GID8: variants seen among roughly 807,000 people sequenced by gnomAD.
GID8 encodes the protein GID complex subunit 8 homolog, also known as glucose-induced degradation protein 8 homolog.
A neutral mutation model predicts 27.4 loss-of-function variants in GID8; 6 were observed. That is an observed-to-expected ratio of 0.22 (90% CI 0.12 to 0.43). GID8 has a LOEUF of 0.43. GID8 is among the 20% of genes least tolerant of loss of function. GID8 has a pLI of 1.00. For missense variants in GID8, 173 were observed against 287.6 expected (o/e 0.60, Z 2.88); for synonymous variants, 112 against 109.0 (o/e 1.03, Z -0.17).
chr20:62,945,955 A>G lies in GID8; in HGVS notation c.*1043A>G, dbSNP rs1393553815. ...GCCGATGTCCTGCTTCTGTTCACTC[A>G]CAGAACTGTCCCCTGCTCCGTGGTG... On this transcript the variant is annotated 3_prime_UTR_variant, in exon 5 of 5. Coordinates refer to ENST00000266069, the MANE Select transcript of GID8 (RefSeq NM_017896.3). The G allele has an allele frequency of 7.8e-7, 1 of 1,289,416 alleles. No individual in the cohort carries two copies. Among genetic ancestry groups the G allele is most frequent in the Non-Finnish European group, 1.0e-6 (1 of 988,850 alleles). 79.9% of individuals were successfully genotyped at this position (1,289,416 alleles called of 1,614,324 possible). A position where few individuals can be genotyped will look rare whatever the true frequency, so the allele number is the denominator to read the frequency against.
At chr20:62,944,119 G>C (rs1011443428) in intron 4 of GID8, among the ~76,000 whole-genome samples, 9 of 152,188 alleles carry the variant, frequency 5.9e-5, no homozygotes, top group Admixed American at 2.6e-4. Context: ...GAGCCATCAT[G>C]CTCAGCCTCT....
chr20:62,941,697 T>C, intron 2 of GID8, 77 bp downstream of exon 2: 1 of 809,882 alleles, frequency 1.2e-6, no homozygotes, highest in Non-Finnish European at 2.2e-6. Flanking sequence ...GCTGTAGCAC[T>C]GAGGTTTGAT....
At position 62,943,603 on chromosome 20, in the gene GID8, G is replaced by C. The variant is rs1463524798; in HGVS notation, c.424G>C (p.Glu142Gln). 1 of 1,613,842 alleles carries C rather than the reference G, an allele frequency of 6.2e-7. No homozygotes were observed. The highest frequency in any genetic ancestry group is 1.7e-5 in the Admixed American group (1 of 60,034). The change falls in exon 4 of 5, where the codon GAG (glutamate) becomes CAG (glutamine). Residue 142 changes from glutamate (E) to glutamine (Q), a missense_variant. Coordinates refer to ENST00000266069, the MANE Select transcript of GID8 (RefSeq NM_017896.3). The surrounding 1 kb of genome is among the most constrained non-coding windows in gnomAD (Gnocchi z 4.7). ...CGAGGAGAGCCGAGAGTGCCTCACA[G>C]AGATGGAGCGTACCCTGGCACTGCT... ...QGEESRECLT[E>Q]MERTLALLAF...
chr20:62,941,463 T>G, intron 1 of GID8, 28 bp from the exon 2 acceptor site: 1 of 1,277,546 alleles, frequency 7.8e-7, no homozygotes, highest in Non-Finnish European at 1.1e-6. Context: ...TCTAAACCCC[T>G]CCCTCAGCTG....
In GID8 at chr20:62,944,938, A is replaced by G. The variant is rs369511130; in HGVS notation, c.*26A>G. 62 of 1,596,236 alleles carry G rather than the reference A, an allele frequency of 3.9e-5. No homozygotes were observed. The Middle Eastern group carries it at 5.0e-4, about 13-fold the overall frequency. On this transcript the variant is annotated 3_prime_UTR_variant, in exon 5 of 5. Coordinates refer to ENST00000266069, the MANE Select transcript of GID8 (RefSeq NM_017896.3). ...CGCCTGCGCTTGCGTGGTGGATCCA[A>G]CACCAGCCCTGCGTCGTGGGACTTG...
Position 62,944,745 on chromosome 20 carries a change from A to T in GID8, c.520A>T (p.Ser174Cys). ...AGATGTATTTATATTCTAGGTGTGG[A>T]GTGAAGTTAACCAAGCTGTGCTAGA... ...LHTMQRQKVWSEVNQAVLDYE... is the reference protein window; with the variant it reads ...LHTMQRQKVWCEVNQAVLDYE... Residue 174 changes from serine to cysteine, a missense_variant, in exon 5 of 5, where the codon AGT becomes TGT. Transcript: ENST00000266069. 1 of 1,609,906 alleles carries T rather than the reference A, an allele frequency of 6.2e-7. No homozygotes were observed. The highest frequency in any genetic ancestry group is 1.7e-4 in the Middle Eastern group (1 of 6,054).
rs3180449 is a variant in GID8, at chr20:62,948,473, G to A, written c.*3561G>A. ...AGTAAAAGTTTTCACATTTTTCTCA[G>A]AACTGTTATCTGGAAGCTCTCTTTT... On this transcript the variant is annotated 3_prime_UTR_variant, in exon 5 of 5. Transcript: ENST00000266069. 1 of 152,232 alleles carries A rather than the reference G, an allele frequency of 6.6e-6. No individual in the cohort carries two copies. The highest frequency in any genetic ancestry group is 1.9e-4 in the East Asian group (1 of 5,190). 9.4% of individuals were successfully genotyped at this position (152,232 alleles called of 1,614,324 possible). A position where few individuals can be genotyped will look rare whatever the true frequency, so the allele number is the denominator to read the frequency against.
intron 1 of GID8, among the ~76,000 whole-genome samples, chr20:62,940,976 G>A (rs890387537): frequency 6.6e-6 from 1 of 150,722 alleles, no homozygotes; most frequent in African/African-American, 2.4e-5. Context: ...GGTAAATTGT[G>A]CCAAATAATC....
rs2065466566 is a variant in GID8, at chr20:62,946,384, T to C, written c.*1472T>C. 1 of 203,752 alleles carries C rather than the reference T, an allele frequency of 4.9e-6. No homozygotes were observed. The highest frequency in any genetic ancestry group is 5.9e-5 in the Admixed American group (1 of 16,966). The allele number at this position is 203,752 out of a possible 1,614,324, so 12.6% of individuals were successfully genotyped here. ...CCGAGCTCCTGCATCCCTTGAGTGT[T>C]GATCAGGAGGCGTCCACAGCATTGT... is the stretch of plus-strand genomic sequence containing the variant. On this transcript the variant is annotated 3_prime_UTR_variant, in exon 5 of 5. Coordinates refer to ENST00000266069, the MANE Select transcript of GID8 (RefSeq NM_017896.3).
At chr20:62,938,824 G>A (rs998582416) in intron 1 of GID8, 2 of 152,196 alleles carry the variant, frequency 1.3e-5, no homozygotes, top group African/African-American at 4.8e-5. Flanking sequence ...CGAGAGAAAA[G>A]GTGCCTTTTC....
At position 62,946,865 on chromosome 20, in the gene GID8, C is replaced by T. The variant is rs1448422591; in HGVS notation, c.*1953C>T. On this transcript the variant is annotated 3_prime_UTR_variant, in exon 5 of 5. Coordinates refer to ENST00000266069, the MANE Select transcript of GID8 (RefSeq NM_017896.3). Reference sequence around the variant, plus strand: ...TCTTCAACAGCACCAGGTGATTCAGCATATTCCTAATTACCTTTCACTATT... The same window carrying T: ...TCTTCAACAGCACCAGGTGATTCAGTATATTCCTAATTACCTTTCACTATT... 1 of 152,210 alleles carries T rather than the reference C, an allele frequency of 6.6e-6. No individual in the cohort carries two copies. Among genetic ancestry groups the T allele is most frequent in the Non-Finnish European group, 1.5e-5 (1 of 68,040 alleles). 9.4% of individuals were successfully genotyped at this position (152,210 alleles called of 1,614,324 possible). A position where few individuals can be genotyped will look rare whatever the true frequency, so the allele number is the denominator to read the frequency against.
intron 1 of GID8, among the ~76,000 whole-genome samples, chr20:62,939,355 C>G (rs1422608034): frequency 6.6e-6 from 1 of 152,020 alleles, no homozygotes; most frequent in African/African-American, 2.4e-5. Flanking sequence ...TTCTCATTCC[C>G]TATCTACGCT....
In GID8 at chr20:62,948,099, A is replaced by AGGGCCTCATGGGTGTAGCCGCATGGC. The variant is rs2065473923; in HGVS notation, c.*3188_*3213dup. 1 of 152,258 alleles carries AGGGCCTCATGGGTGTAGCCGCATGGC rather than the reference A, an allele frequency of 6.6e-6. No homozygotes were observed. The highest frequency in any genetic ancestry group is 1.5e-5 in the Non-Finnish European group (1 of 68,056). The allele number at this position is 152,258 out of a possible 1,614,324, so 9.4% of individuals were successfully genotyped here. On this transcript the variant is annotated 3_prime_UTR_variant, in exon 5 of 5. Coordinates refer to ENST00000266069, the MANE Select transcript of GID8 (RefSeq NM_017896.3). ...TGGAGAACGTTGCGTTGTTCACAAT[A>AGGGCCTCATGGGTGTAGCCGCATGGC]GGGCCTCATGGGTGTAGCCGCATGG...
chr20:62,945,936 G>A lies in GID8; in HGVS notation c.*1024G>A, dbSNP rs749003582. 57 of 1,289,464 alleles carry A rather than the reference G, an allele frequency of 4.4e-5. No individual in the cohort carries two copies. In the South Asian group the frequency reaches 6.7e-4, roughly 15 times the overall value. 79.9% of individuals were successfully genotyped at this position (1,289,464 alleles called of 1,614,324 possible). ...TCCATCGTCAGCTGGCTCTGCCGAT[G>A]TCCTGCTTCTGTTCACTCACAGAAC... On this transcript the variant is annotated 3_prime_UTR_variant, in exon 5 of 5. Coordinates refer to ENST00000266069, the MANE Select transcript of GID8 (RefSeq NM_017896.3).
At position 62,943,144 on chromosome 20, in the gene GID8, G is replaced by A; in HGVS notation, c.276G>A (p.Glu92=). Reference sequence around the variant, plus strand: ...CCTTGATCAACAGCCTCCACCCAGAGCTCTTGGACACAAACCGGTATCTTT... The same window carrying A: ...CCTTGATCAACAGCCTCCACCCAGAACTCTTGGACACAAACCGGTATCTTT... ...AIALINSLHP[E]LLDTNRYLYF... is the part of the protein sequence containing the mutation. Residue 92 remains glutamate, a synonymous_variant, in exon 3 of 5, where the codon GAG becomes GAA. Coordinates refer to ENST00000266069, the MANE Select transcript of GID8 (RefSeq NM_017896.3). The surrounding 1 kb of genome is among the most constrained non-coding windows in gnomAD (Gnocchi z 4.7). 1 of 1,614,080 alleles carries A rather than the reference G, an allele frequency of 6.2e-7. No individual in the cohort carries two copies. Among genetic ancestry groups the A allele is most frequent in the Non-Finnish European group, 8.5e-7 (1 of 1,179,930 alleles).
chr20:62,945,824 C>T lies in GID8; in HGVS notation c.*912C>T, dbSNP rs1435259957. On this transcript the variant is annotated 3_prime_UTR_variant, in exon 5 of 5. Transcript: ENST00000266069. ...CCTTGGCCGGTGGGGACGCAGAGCC[C>T]CAGCAGGTGGTGCACGACTGTTGGC... 4.7e-6 allele frequency: 6 copies of T among 1,289,090 alleles called. No individual in the cohort carries two copies. The highest frequency in any genetic ancestry group is 6.1e-6 in the Non-Finnish European group (6 of 988,360). The allele number at this position is 1,289,090 out of a possible 1,614,324, so 79.9% of individuals were successfully genotyped here.
At chr20:62,944,684 C>A in intron 4 of GID8, 55 bp from the exon 5 acceptor site, 1 of 1,227,280 alleles carries the variant, frequency 8.1e-7, no homozygotes, top group South Asian at 1.2e-5. Context: ...TTTTAATAGA[C>A]TCTGCTGGTG....
Position 62,941,628 on chromosome 20 carries a change from CT to C in GID8, c.118+10del. The C allele has an allele frequency of 7.1e-7, 1 of 1,404,726 alleles. No homozygotes were observed. The highest frequency in any genetic ancestry group is 1.0e-6 in the Non-Finnish European group (1 of 988,780). The allele number at this position is 1,404,726 out of a possible 1,614,324, so 87.0% of individuals were successfully genotyped here. On this transcript the variant is annotated intron_variant, in intron 2 of 4. Transcript: ENST00000266069. ...TGAACTACCTGGTCACAGGTAATGG[CT>C]TACAGTGAGGATGCTGTTGCATGAA...
Position 62,946,242 on chromosome 20 carries a change from G to T in GID8, c.*1330G>T. The T allele has an allele frequency of 3.0e-6, 1 of 333,964 alleles. No homozygotes were observed. Among genetic ancestry groups the T allele is most frequent in the Admixed American group, 4.2e-5 (1 of 23,804 alleles). 20.7% of individuals were successfully genotyped at this position (333,964 alleles called of 1,614,324 possible). On this transcript the variant is annotated 3_prime_UTR_variant, in exon 5 of 5. Coordinates refer to ENST00000266069, the MANE Select transcript of GID8 (RefSeq NM_017896.3). ...CAGAATGCTGCTAGCACTTGAATCT[G>T]GGATCTCGCCTTATTCTCAAGTAGC...
Sources: gnomAD v4.1 joint callset for allele counts (sites outside exome capture counted in the v4.1 genomes callset) on GRCh38, gnomAD v4.1.1 for gene constraint, Gnocchi (gnomAD v3.1) non-coding constraint, MANE v1.5 for transcripts, NCBI Gene and HGNC (gene_info 2026-07-23, HGNC 2026-07-21) for gene names.